The following NRXN1 variants were observed in gnomAD, a reference collection of about 807,000 sequenced individuals.
The protein encoded by NRXN1 is neurexin-1.
NRXN1 carries 39 observed loss-of-function variants against 150.9 expected under a neutral mutation model. That is an observed-to-expected ratio of 0.26 (90% CI 0.20 to 0.34). The LOEUF (loss-of-function observed/expected upper bound fraction) is 0.34, where lower values mean the gene tolerates loss of function less well. Ranked by LOEUF, NRXN1 falls within the 10% of genes least tolerant of loss-of-function variation. The probability of loss-of-function intolerance (pLI) is 1.00; values close to 1 mark genes in which losing one functional copy is unlikely to be tolerated. For missense variants in NRXN1, 1,815 were observed against 1,949.9 expected, an observed-to-expected ratio of 0.93 and a Z score of 1.30; for synonymous variants, 924 against 757.0, an observed-to-expected ratio of 1.22 and a Z score of -3.62.
chr2:50,113,088 A>G (rs909007238), intron 18 of NRXN1, among the ~76,000 whole-genome samples: 1 of 152,112 alleles, frequency 6.6e-6, no homozygotes, highest in Non-Finnish European at 1.5e-5. Context: ...TTACCCCTAG[A>G]TTTGATTCCT....
chr2:50,448,426 A>G (rs1236446632), intron 17 of NRXN1, among the ~76,000 whole-genome samples: 3 of 152,288 alleles, frequency 2.0e-5, no homozygotes, highest in Non-Finnish European at 1.5e-5. Flanking sequence ...GTGCAAAAAG[A>G]TAAGGAAACA....
intron 22 of NRXN1, among the ~76,000 whole-genome samples, chr2:49,930,116 T>C (rs1198734287): frequency 1.3e-5 from 2 of 152,174 alleles, no homozygotes; most frequent in Non-Finnish European, 2.9e-5. Context: ...AGTTTACTTT[T>C]CAGGAATTAA....
intron 5 of NRXN1, among the ~76,000 whole-genome samples, chr2:50,770,763 G>A (rs1702917536): frequency 6.6e-6 from 1 of 151,730 alleles, no homozygotes; most frequent in Non-Finnish European, 1.5e-5. Flanking sequence ...AACATTCCAG[G>A]GCCACAGGGA....
chr2:50,044,755 T>G (rs1691549327), intron 21 of NRXN1, among the ~76,000 whole-genome samples: 1 of 152,184 alleles, frequency 6.6e-6, no homozygotes, highest in Non-Finnish European at 1.5e-5. Context: ...CCTGAATTGC[T>G]AGGTATTTAT....
intron 5 of NRXN1, among the ~76,000 whole-genome samples, chr2:50,737,643 T>C (rs1342566638): frequency 6.6e-6 from 1 of 152,142 alleles, no homozygotes; most frequent in African/African-American, 2.4e-5. Flanking sequence ...TTAATAATCT[T>C]CATTCATTTA....
At chr2:49,954,836 GTTTTAT>G (rs1558575453) in intron 21 of NRXN1, among the ~76,000 whole-genome samples, 2 of 152,060 alleles carry the variant, frequency 1.3e-5, no homozygotes, top group African/African-American at 4.8e-5. Context: ...TTAGTGATAT[GTTTTAT>G]TTTATTTCAT....
intron 18 of NRXN1, among the ~76,000 whole-genome samples, chr2:50,100,060 T>G (rs571138397): frequency 6.6e-6 from 1 of 152,236 alleles, no homozygotes; most frequent in South Asian, 2.1e-4. Context: ...AAGTTTGAAT[T>G]TGAGTCTCTC....
chr2:50,782,198 A>T (rs907094939), intron 5 of NRXN1, among the ~76,000 whole-genome samples: 1 of 152,020 alleles, frequency 6.6e-6, no homozygotes, highest in Non-Finnish European at 1.5e-5. Flanking sequence ...AAGGGAAAAT[A>T]TTTTTTTAAA....
intron 2 of NRXN1, among the ~76,000 whole-genome samples, chr2:50,989,377 TATATGAA>T (rs1698202546): frequency 6.6e-6 from 1 of 151,932 alleles, no homozygotes; most frequent in Non-Finnish European, 1.5e-5. Flanking sequence ...AGTGGGTAAT[TATATGAA>T]TCTTGACAAA....
chr2:50,179,424 T>C (rs2060558662), intron 18 of NRXN1, among the ~76,000 whole-genome samples: 1 of 152,170 alleles, frequency 6.6e-6, no homozygotes, highest in African/African-American at 2.4e-5. Flanking sequence ...AGGTGAGTTT[T>C]TCATCAGTAA....
intron 21 of NRXN1, among the ~76,000 whole-genome samples, chr2:49,980,501 A>T (rs780842286): frequency 3.3e-5 from 5 of 152,202 alleles, no homozygotes; most frequent in Admixed American, 6.5e-5. Flanking sequence ...TGGAGCAGAG[A>T]ATAGCTTCAC....
At chr2:50,061,013 G>A (rs1694445123) in intron 19 of NRXN1, among the ~76,000 whole-genome samples, 1 of 152,070 alleles carries the variant, frequency 6.6e-6, no homozygotes, top group Non-Finnish European at 1.5e-5. Context: ...GTATAAAATA[G>A]TTCAGAATGT....
At chr2:50,098,830 G>GTGTTTTTTTTTTTTGGTTTT (rs1700590439) in intron 18 of NRXN1, among the ~76,000 whole-genome samples, 1 of 105,542 alleles carries the variant, frequency 9.5e-6, no homozygotes, top group African/African-American at 3.5e-5. Flanking sequence ...TTTGGTTTTA[G>GTGTTTTTTTTTTTTGGTTTT]TTTTTTTTTT....
intron 18 of NRXN1, among the ~76,000 whole-genome samples, chr2:50,152,816 C>T (rs1008290456): frequency 2.0e-5 from 3 of 151,608 alleles, no homozygotes; most frequent in Non-Finnish European, 4.4e-5. Flanking sequence ...TGAATTCATC[C>T]TACTTTACAT....
chr2:50,569,535 C>T (rs1025789277), intron 8 of NRXN1, among the ~76,000 whole-genome samples: 1 of 151,976 alleles, frequency 6.6e-6, no homozygotes, highest in Non-Finnish European at 1.5e-5. Flanking sequence ...AATATAAACA[C>T]ATATGTATGT....
intron 17 of NRXN1, among the ~76,000 whole-genome samples, chr2:50,350,668 T>C (rs1239014253): frequency 6.6e-6 from 1 of 152,204 alleles, no homozygotes; most frequent in Non-Finnish European, 1.5e-5. Context: ...AGAAATAGAA[T>C]AAGCGTAGAA....
In NRXN1 at chr2:50,091,304, T is replaced by C. The variant is rs928380376; in HGVS notation, c.3718+19A>G. 1 of 1,613,836 alleles carries C rather than the reference T, an allele frequency of 6.2e-7. No homozygotes were observed. The highest frequency in any genetic ancestry group is 1.3e-5 in the African/African-American group (1 of 75,060). On this transcript the variant is annotated intron_variant, in intron 19 of 22. Transcript: ENST00000401669. ...TGTTTTTCATAAAATCTTCCCCCGATACATATTCACTTGCTTACCTGCAGG... is the reference window on the plus strand; with the variant it reads ...TGTTTTTCATAAAATCTTCCCCCGACACATATTCACTTGCTTACCTGCAGG...
intron 2 of NRXN1, among the ~76,000 whole-genome samples, chr2:50,967,920 T>C (rs1421566952): frequency 6.6e-6 from 1 of 152,014 alleles, no homozygotes; most frequent in Non-Finnish European, 1.5e-5. Context: ...GCATGGCAAT[T>C]TTGGCATAGC....
At chr2:50,615,331 T>TA (rs1475301304) in intron 8 of NRXN1, 3 of 152,174 alleles carry the variant, frequency 2.0e-5, no homozygotes, top group Admixed American at 1.3e-4. Context: ...TACATATGAC[T>TA]AAAAACAAAC....
Sources: gnomAD v4.1 joint callset for allele counts (sites outside exome capture counted in the v4.1 genomes callset) on GRCh38, gnomAD v4.1.1 for gene constraint, MANE v1.5 for transcripts, NCBI Gene and HGNC (gene_info 2026-07-23, HGNC 2026-07-21) for gene names.